FAM177A1: variants seen among roughly 807,000 people sequenced by gnomAD.
FAM177A1 encodes the protein protein FAM177A1.
Under a neutral mutation model 26.1 loss-of-function variants are expected in FAM177A1, and 22 were observed. The ratio of observed to expected loss-of-function variants is 0.84; its 90% CI spans 0.60 to 1.20. The LOEUF (loss-of-function observed/expected upper bound fraction) is 1.20, where lower values mean the gene tolerates loss of function less well. Ranked by LOEUF, FAM177A1 falls within the 50% of genes most tolerant of loss-of-function variation. FAM177A1 has a pLI of 0.00. For missense variants in FAM177A1, 296 were observed against 291.1 expected (o/e 1.02, Z -0.12); for synonymous variants, 95 against 99.3 (o/e 0.96, Z 0.26).
upstream of FAM177A1, chr14:35,045,285 A>G (rs1319002505): frequency 6.6e-6 from 1 of 152,200 alleles, no homozygotes; most frequent in African/African-American, 2.4e-5. Context: ...TTTAAGGCGT[A>G]GATGGTTTTC....
At chr14:35,065,873 G>A (rs910400369) in intron 2 of FAM177A1, among the ~76,000 whole-genome samples, 4 of 151,574 alleles carry the variant, frequency 2.6e-5, no homozygotes, top group African/African-American at 9.7e-5. Flanking sequence ...TGTGTTTTTA[G>A]TAGAGACAGG....
At chr14:35,057,769 C>T (rs1255914071) in intron 2 of FAM177A1, among the ~76,000 whole-genome samples, 1 of 151,886 alleles carries the variant, frequency 6.6e-6, no homozygotes, top group African/African-American at 2.4e-5. Context: ...ACATTTTTTA[C>T]TTCCCATGTA....
Position 35,075,095 on chromosome 14 carries a change from T to C in FAM177A1, c.340-2055T>C, listed in dbSNP as rs558003625. 3.1e-3 allele frequency among the ~76,000 whole-genome samples: 465 copies of C among 152,318 alleles called. 3 individuals are homozygous for C. Among genetic ancestry groups the C allele is most frequent in the Middle Eastern group, 0.017 (5 of 294 alleles). On this transcript the variant is annotated intron_variant, in intron 2 of 4. Coordinates refer to ENST00000280987, the MANE Select transcript of FAM177A1 (RefSeq NM_173607.5). Reference sequence around the variant, plus strand: ...TTGATTCCTTGAAGGCTTTATACTGTGTTTTCTTTGGATAAACGTATTGGT... The same window carrying C: ...TTGATTCCTTGAAGGCTTTATACTGCGTTTTCTTTGGATAAACGTATTGGT...
chr14:35,079,047 C>A (rs770501719), intron 4 of FAM177A1, 23 bp downstream of exon 4: 1 of 1,539,630 alleles, frequency 6.5e-7, no homozygotes, highest in Non-Finnish European at 8.7e-7. Flanking sequence ...TTTACATTTT[C>A]TTGATTCAGT....
intron 2 of FAM177A1, among the ~76,000 whole-genome samples, chr14:35,069,846 G>A (rs1211977280): frequency 6.6e-6 from 1 of 151,670 alleles, no homozygotes; most frequent in African/African-American, 2.4e-5. Context: ...TGCTAGACGT[G>A]GTGGCTCACA....
chr14:35,052,122 C>T (rs1326515676), intron 1 of FAM177A1, among the ~76,000 whole-genome samples: 1 of 152,196 alleles, frequency 6.6e-6, no homozygotes, highest in Non-Finnish European at 1.5e-5. Context: ...TTGACTACTC[C>T]CTTGCCTTCT....
At chr14:35,045,059 G>A (rs1426489220), upstream of FAM177A1, 1 of 152,116 alleles carries the variant, frequency 6.6e-6, no homozygotes, top group Admixed American at 6.6e-5. Context: ...GCAGAACTGT[G>A]TTGTTTATGA....
intron 2 of FAM177A1, among the ~76,000 whole-genome samples, chr14:35,057,044 C>G (rs537783467): frequency 2.0e-4 from 30 of 152,136 alleles, no homozygotes; most frequent in African/African-American, 7.0e-4. Flanking sequence ...TTTTTCTGTT[C>G]TCTATTAATT....
chr14:35,063,019 G>C (rs1435851408), intron 2 of FAM177A1, among the ~76,000 whole-genome samples: 1 of 149,976 alleles, frequency 6.7e-6, no homozygotes, highest in African/African-American at 2.4e-5. Flanking sequence ...GGTGGACCAC[G>C]CCTGTAATCC....
intron 2 of FAM177A1, among the ~76,000 whole-genome samples, chr14:35,074,820 T>A (rs2045370741): frequency 6.6e-6 from 1 of 151,774 alleles, no homozygotes; most frequent in South Asian, 2.1e-4. Flanking sequence ...GGTGGGTGGA[T>A]CACATGGGGC....
At chr14:35,053,022 C>G (rs910836864) in intron 1 of FAM177A1, among the ~76,000 whole-genome samples, 6 of 152,186 alleles carry the variant, frequency 3.9e-5, no homozygotes, top group African/African-American at 1.2e-4. Context: ...GCCAAGACAT[C>G]TGGAAGTTCA....
intron 2 of FAM177A1, among the ~76,000 whole-genome samples, chr14:35,071,564 ATCAAG>A (rs2045322029): frequency 2.7e-5 from 4 of 150,256 alleles, no homozygotes; most frequent in African/African-American, 9.8e-5. Context: ...TTTTGATTCA[ATCAAG>A]TCAATGTTCA....
chr14:35,046,755 A>G, intron 1 of FAM177A1, 127 bp downstream of exon 1: 1 of 1,401,738 alleles, frequency 7.1e-7, no homozygotes, highest in East Asian at 2.8e-5. Flanking sequence ...GTTCCTCCTC[A>G]CTGCACCCCT....
chr14:35,069,515 C>T (rs1413968681), intron 2 of FAM177A1, among the ~76,000 whole-genome samples: 1 of 151,956 alleles, frequency 6.6e-6, no homozygotes, highest in Non-Finnish European at 1.5e-5. Context: ...GAACTCCCAA[C>T]CTGAGGTGAT....
chr14:35,071,568 A>G (rs1431666922), intron 2 of FAM177A1, among the ~76,000 whole-genome samples: 2 of 149,428 alleles, frequency 1.3e-5, no homozygotes, highest in African/African-American at 4.9e-5. Flanking sequence ...GATTCAATCA[A>G]GTCAATGTTC....
intron 2 of FAM177A1, among the ~76,000 whole-genome samples, chr14:35,058,205 C>T (rs1364572373): frequency 7.9e-5 from 12 of 152,042 alleles, no homozygotes; most frequent in Non-Finnish European, 1.3e-4. Flanking sequence ...TCCCATGTAG[C>T]TGAGATTACA....
At chr14:35,060,516 A>G (rs2045135408) in intron 2 of FAM177A1, among the ~76,000 whole-genome samples, 1 of 150,596 alleles carries the variant, frequency 6.6e-6, no homozygotes, top group African/African-American at 2.4e-5. Flanking sequence ...GTTTCTTTGC[A>G]TGTCTCATAA....
At chr14:35,070,114 C>CAAAAA (rs746133319) in intron 2 of FAM177A1, among the ~76,000 whole-genome samples, 4 of 53,854 alleles carry the variant, frequency 7.4e-5, no homozygotes, top group Admixed American at 2.8e-4. Flanking sequence ...GACTCTGTCT[C>CAAAAA]AAAAAAAAAA....
At chr14:35,046,713 C>T in intron 1 of FAM177A1, 85 bp downstream of exon 1, 2 of 1,447,372 alleles carry the variant, frequency 1.4e-6, no homozygotes, top group Non-Finnish European at 1.8e-6. Context: ...GCCTGCGCGG[C>T]CGTCCTCCGA....
Sources: allele counts gnomAD v4.1 joint callset (sites outside exome capture counted in the v4.1 genomes callset), GRCh38; gene constraint gnomAD v4.1.1; transcripts MANE v1.5; gene names NCBI Gene and HGNC (gene_info 2026-07-23, HGNC 2026-07-21).